SRSF11: variants seen among roughly 807,000 people sequenced by gnomAD.
SRSF11 encodes the protein serine and arginine rich splicing factor 11, also known as serine/arginine-rich splicing factor 11.
SRSF11 carries 9 observed loss-of-function variants against 56.0 expected under a neutral mutation model. That is an observed-to-expected ratio of 0.16 (90% confidence interval 0.10 to 0.28). SRSF11 has a LOEUF of 0.28. SRSF11 is among the 10% of genes least tolerant of loss of function. SRSF11 has a pLI of 1.00. For missense variants in SRSF11, 421 were observed against 600.7 expected (o/e 0.70, Z 3.13); for synonymous variants, 222 against 215.3 (o/e 1.03, Z -0.27).
chr1:70,234,644 G>A, intron 3 of SRSF11, 52 bp from the exon 4 acceptor site: 1 of 1,447,188 alleles, frequency 6.9e-7, no homozygotes. Flanking sequence ...TTAACCCCTG[G>A]TATAAGGAAC....
At chr1:70,208,740 A>C (rs1262375385) in intron 1 of SRSF11, among the ~76,000 whole-genome samples, 1 of 152,262 alleles carries the variant, frequency 6.6e-6, no homozygotes, top group Non-Finnish European at 1.5e-5. Context: ...AAATGGATGG[A>C]AACTGAAAGC....
At chr1:70,224,089 C>CA (rs1027517509) in intron 1 of SRSF11, among the ~76,000 whole-genome samples, 24 of 152,222 alleles carry the variant, frequency 1.6e-4, no homozygotes, top group African/African-American at 5.5e-4. Context: ...TATAAGTAAT[C>CA]ACGAGATTTA....
intron 1 of SRSF11, among the ~76,000 whole-genome samples, chr1:70,213,306 CAG>C (rs141015447): frequency 3.9e-4 from 59 of 152,252 alleles, no homozygotes; most frequent in African/African-American, 1.4e-3. Context: ...GGAGTAGAAT[CAG>C]GGAATAGAAT....
intron 1 of SRSF11, among the ~76,000 whole-genome samples, chr1:70,206,373 A>G (rs936846416): frequency 6.6e-6 from 1 of 151,892 alleles, no homozygotes; most frequent in African/African-American, 2.4e-5. Flanking sequence ...TACTTTGGGG[A>G]TAATTCCTAC....
intron 7 of SRSF11, among the ~76,000 whole-genome samples, chr1:70,242,165 TAAA>T (rs369129508): frequency 5.9e-5 from 8 of 135,950 alleles, no homozygotes; most frequent in African/African-American, 8.2e-5. Context: ...GACTCCGTCT[TAAA>T]AAAAAAAAAA....
intron 7 of SRSF11, 71 bp downstream of exon 7, chr1:70,239,591 G>A (rs1674869242): frequency 2.5e-6 from 3 of 1,182,160 alleles, no homozygotes; most frequent in Admixed American, 4.8e-5. Flanking sequence ...TTTTTAATTT[G>A]CTGTTAATCT....
At chr1:70,239,790 GAATTAT>G (rs1485554618) in intron 7 of SRSF11, among the ~76,000 whole-genome samples, 1 of 152,044 alleles carries the variant, frequency 6.6e-6, no homozygotes, top group Non-Finnish European at 1.5e-5. Flanking sequence ...TTGATTCATT[GAATTAT>G]ACAAGTTTCC....
chr1:70,235,196 T>G (rs935430897), intron 4 of SRSF11, among the ~76,000 whole-genome samples: 1 of 152,206 alleles, frequency 6.6e-6, no homozygotes, highest in Non-Finnish European at 1.5e-5. Flanking sequence ...TTTACATGTT[T>G]CTTTATGTCA....
intron 1 of SRSF11, among the ~76,000 whole-genome samples, chr1:70,224,323 A>G (rs1249514782): frequency 3.3e-5 from 5 of 152,140 alleles, no homozygotes; most frequent in African/African-American, 9.7e-5. Context: ...TATCTGTGAC[A>G]TGCTTAACTA....
At chr1:70,231,660 C>A in intron 2 of SRSF11, 1 of 1,181,188 alleles carries the variant, frequency 8.5e-7, no homozygotes, top group Non-Finnish European at 1.1e-6. Flanking sequence ...CAGAAACATT[C>A]ATATTCATTT....
intron 4 of SRSF11, among the ~76,000 whole-genome samples, chr1:70,235,169 G>A (rs942686824): frequency 1.3e-5 from 2 of 151,776 alleles, no homozygotes; most frequent in Non-Finnish European, 2.9e-5. Flanking sequence ...CATTATATTG[G>A]CTAAGGTGTT....
At chr1:70,241,420 T>C (rs925820104) in intron 7 of SRSF11, among the ~76,000 whole-genome samples, 4 of 152,236 alleles carry the variant, frequency 2.6e-5, no homozygotes, top group Admixed American at 1.3e-4. Context: ...TATGTCTGTT[T>C]ATTCCCTGTC....
At chr1:70,244,452 C>CA (rs1676279298) in intron 7 of SRSF11, among the ~76,000 whole-genome samples, 1 of 151,972 alleles carries the variant, frequency 6.6e-6, no homozygotes, top group African/African-American at 2.4e-5. Flanking sequence ...ACCTATCTGA[C>CA]AGGTTGAGCA....
At chr1:70,243,741 T>C (rs1010584333) in intron 7 of SRSF11, among the ~76,000 whole-genome samples, 1 of 152,234 alleles carries the variant, frequency 6.6e-6, no homozygotes, top group Admixed American at 6.5e-5. Flanking sequence ...TTGCAACTTA[T>C]TTTTAATTTT....
chr1:70,239,610 C>A, intron 7 of SRSF11, 90 bp downstream of exon 7: 1 of 981,738 alleles, frequency 1.0e-6, no homozygotes, highest in Non-Finnish European at 1.5e-6. Flanking sequence ...CTGTTATCCT[C>A]TGGTTAAAGT....
chr1:70,230,594 A>G, intron 2 of SRSF11: 1 of 1,286,000 alleles, frequency 7.8e-7, no homozygotes, highest in South Asian at 1.3e-5. Flanking sequence ...TAAAAAAAAT[A>G]CTCTTGACGC....
At chr1:70,249,113 T>C (rs1249203394) in intron 9 of SRSF11, 1 of 152,174 alleles carries the variant, frequency 6.6e-6, no homozygotes, top group Non-Finnish European at 1.5e-5. Context: ...ATCAGCTGTA[T>C]ATCTTCAAAG....
intron 1 of SRSF11, among the ~76,000 whole-genome samples, chr1:70,206,380 C>G (rs1052579629): frequency 6.6e-6 from 1 of 151,672 alleles, no homozygotes; most frequent in Non-Finnish European, 1.5e-5. Context: ...GGGATAATTC[C>G]TACCGCATAA....
chr1:70,250,005 G>T lies in SRSF11; in HGVS notation c.1076G>T (p.Arg359Leu), dbSNP rs1423468518. 1.9e-6 allele frequency: 3 copies of T among 1,613,946 alleles called. No homozygotes were observed. The highest frequency in any genetic ancestry group is 2.5e-6 in the Non-Finnish European group (3 of 1,179,962). ...RSGTRSPKKP[R>L]SPKRKLSRSP... ...GGCACAAGATCTCCTAAAAAGCCTCGGTCTCCTAAAAGAAAATTGTCCCGC... is the reference window on the plus strand; with the variant it reads ...GGCACAAGATCTCCTAAAAAGCCTCTGTCTCCTAAAAGAAAATTGTCCCGC... Residue 359 changes from arginine (R) to leucine (L), a missense_variant, in exon 10 of 12, where the codon CGG becomes CTG. By Grantham distance (102) the Arg-to-Leu change is moderately radical (BLOSUM62 -2). This residue lies in a region of SRSF11 where 253 missense variants were observed against 305.8 expected (regional missense o/e 0.83). Coordinates refer to ENST00000370949, the MANE Select transcript of SRSF11 (RefSeq NM_001350605.2).
Sources: allele counts gnomAD v4.1 joint callset (sites outside exome capture counted in the v4.1 genomes callset), GRCh38; gene constraint gnomAD v4.1.1; regional missense constraint gnomAD v4.1.1; transcripts MANE v1.5; gene names NCBI Gene and HGNC (gene_info 2026-07-23, HGNC 2026-07-21).